The following VPS8 variants were observed in gnomAD, a reference collection of about 807,000 sequenced individuals.
VPS8 encodes the protein vacuolar protein sorting-associated protein 8 homolog.
In VPS8, 129 loss-of-function variants were observed where a neutral mutation model predicts 216.4. The ratio of observed to expected loss-of-function variants is 0.60; its 90% confidence interval spans 0.52 to 0.69. The LOEUF (loss-of-function observed/expected upper bound fraction) is 0.69. VPS8 is among the 30% of genes least tolerant of loss of function. VPS8 has a pLI of 0.00. For missense variants in VPS8, 1,531 were observed against 1,683.5 expected (o/e 0.91, Z 1.59); for synonymous variants, 571 against 565.4 (o/e 1.01, Z -0.14).
intron 34 of VPS8, among the ~76,000 whole-genome samples, chr3:184,934,503 A>G (rs924838255): frequency 1.3e-5 from 2 of 152,148 alleles, no homozygotes; most frequent in African/African-American, 2.4e-5. Context: ...TCACAACTTC[A>G]TATTTTTAAT....
chr3:184,814,714 A>C (rs1210922711), intron 1 of VPS8, among the ~76,000 whole-genome samples: 1 of 152,198 alleles, frequency 6.6e-6, no homozygotes, highest in Non-Finnish European at 1.5e-5. Context: ...GTGAGTAGTG[A>C]GTGAGTGTGA....
intron 13 of VPS8, 75 bp downstream of exon 13, chr3:184,854,248 G>C (rs1724832520): frequency 1.0e-5 from 15 of 1,506,472 alleles, no homozygotes; most frequent in Non-Finnish European, 1.4e-5. Context: ...CTTGCAAGGG[G>C]TGAATTCTAT....
rs59011109 is a variant in VPS8 at position 184,936,515 on chromosome 3, CTGTGTG to C, written c.2988+221_2988+226del. ...TTTCTTTAATGGCACCAACCTAATA[CTGTGTG>C]TGTGTGTGTGTGTGTGTGTGTGTGT... On this transcript the variant is annotated intron_variant, in intron 35 of 47. Coordinates refer to ENST00000625842, the MANE Select transcript of VPS8 (RefSeq NM_001009921.3). 1.0e-2 allele frequency among the ~76,000 whole-genome samples: 1,193 copies of C among 119,428 alleles called. 17 individuals carry two copies. Among genetic ancestry groups the C allele is most frequent in the African/African-American group, 0.035 (1,093 of 31,230 alleles). 78.3% of individuals were successfully genotyped at this position (119,428 alleles called of 152,430 possible).
intron 5 of VPS8, chr3:184,836,210 A>G (rs183792876): frequency 3.5e-5 from 16 of 454,600 alleles, no homozygotes; most frequent in African/African-American, 3.0e-4. Context: ...TGCTCAAGCA[A>G]TAGAGGAAAC....
At chr3:184,937,530 C>T (rs1297307816) in intron 35 of VPS8, among the ~76,000 whole-genome samples, 1 of 152,116 alleles carries the variant, frequency 6.6e-6, no homozygotes, top group South Asian at 2.1e-4. Context: ...CAGAGAAGCA[C>T]TTGCATAATT....
intron 31 of VPS8, among the ~76,000 whole-genome samples, 196 bp downstream of exon 31, chr3:184,926,846 A>G (rs960139774): frequency 6.6e-6 from 1 of 152,210 alleles, no homozygotes; most frequent in African/African-American, 2.4e-5. Flanking sequence ...CTTATATCAA[A>G]CTAAATTCCT....
chr3:184,838,524 CCT>C (rs1360146693), intron 5 of VPS8, among the ~76,000 whole-genome samples, 188 bp from the exon 6 acceptor site: 2 of 152,116 alleles, frequency 1.3e-5, no homozygotes, highest in Admixed American at 6.5e-5. Flanking sequence ...AAAACAATCC[CCT>C]TTCATGCCCT....
chr3:184,943,122 T>C (rs1743045509), intron 36 of VPS8, among the ~76,000 whole-genome samples: 1 of 152,226 alleles, frequency 6.6e-6, no homozygotes, highest in South Asian at 2.1e-4. Flanking sequence ...CACTCAGATA[T>C]AGAGTGTTCT....
intron 46 of VPS8, among the ~76,000 whole-genome samples, chr3:185,038,351 C>T (rs139484748): frequency 6.6e-6 from 1 of 152,300 alleles, no homozygotes; most frequent in Non-Finnish European, 1.5e-5. Flanking sequence ...CCACTAACGC[C>T]TTAGGACATA....
At chr3:184,933,266 T>C (rs930711166) in intron 34 of VPS8, among the ~76,000 whole-genome samples, 6 of 152,206 alleles carry the variant, frequency 3.9e-5, no homozygotes, top group South Asian at 2.1e-4. Context: ...GGATGTGTAA[T>C]GATACCTAAT....
At chr3:184,963,234 A>G (rs570775319) in intron 37 of VPS8, among the ~76,000 whole-genome samples, 115 of 152,198 alleles carry the variant, frequency 7.6e-4, no homozygotes, top group African/African-American at 2.7e-3. Context: ...ACTCTCTGGA[A>G]TTTTGATTTA....
chr3:185,047,365 AAAAC>A (rs76017726), intron 46 of VPS8, among the ~76,000 whole-genome samples: 30,751 of 151,922 alleles, frequency 0.2, 3,942 homozygotes, highest in African/African-American at 0.37. Context: ...CATGTGAGCA[AAAAC>A]AAACAAACAA....
At chr3:184,981,314 G>A (rs80256279) in intron 40 of VPS8, among the ~76,000 whole-genome samples, 6,348 of 152,202 alleles carry the variant, frequency 0.042, 232 homozygotes, top group East Asian at 0.1. Flanking sequence ...CAGCAACAGC[G>A]GCATGACAGG....
At chr3:185,044,909 A>G (rs1466708914) in intron 46 of VPS8, among the ~76,000 whole-genome samples, 2 of 152,222 alleles carry the variant, frequency 1.3e-5, no homozygotes, top group Admixed American at 6.5e-5. Context: ...ATGGGAATTT[A>G]GAAAAGGTAT....
Position 184,924,857 on chromosome 3 carries a change from T to C in VPS8, c.2455-5T>C. On this transcript the variant is annotated splice_region_variant and splice_polypyrimidine_tract_variant and intron_variant, in intron 29 of 47. Transcript: ENST00000625842. ...ATTGAATAAATGGTCTCCTTTGCTC[T>C]TCAGGTTATGGTGGAGAATTCAGAC... is the stretch of plus-strand genomic sequence containing the variant. 6.2e-7 allele frequency: 1 copy of C among 1,611,776 alleles called. No individual in the cohort carries two copies. The highest frequency in any genetic ancestry group is 8.5e-7 in the Non-Finnish European group (1 of 1,179,228).
intron 15 of VPS8, among the ~76,000 whole-genome samples, chr3:184,861,343 A>G (rs1255300482): frequency 6.6e-6 from 1 of 152,250 alleles, no homozygotes; most frequent in Non-Finnish European, 1.5e-5. Context: ...AATAAAAAGA[A>G]TGAAAAAGTG....
At chr3:184,887,988 CTTTTTT>C (rs761993920) in intron 22 of VPS8, among the ~76,000 whole-genome samples, 2 of 140,004 alleles carry the variant, frequency 1.4e-5, no homozygotes, top group Non-Finnish European at 3.1e-5. Context: ...GAGAACATTA[CTTTTTT>C]TTTTTTTTTT....
At chr3:184,821,209 A>G (rs1717507739) in intron 1 of VPS8, among the ~76,000 whole-genome samples, 1 of 152,216 alleles carries the variant, frequency 6.6e-6, no homozygotes, top group South Asian at 2.1e-4. Context: ...TCTCAATTTT[A>G]AGTGCTAAAA....
chr3:184,983,200 G>A (rs1238087071), intron 42 of VPS8, 106 bp downstream of exon 42: 6 of 1,018,164 alleles, frequency 5.9e-6, no homozygotes, highest in South Asian at 2.6e-5. Flanking sequence ...CAAGCATAAT[G>A]CAGCTAATTT....
Sources: gnomAD v4.1 joint callset for allele counts (sites outside exome capture counted in the v4.1 genomes callset) on GRCh38, gnomAD v4.1.1 for gene constraint, MANE v1.5 for transcripts, NCBI Gene and HGNC (gene_info 2026-07-23, HGNC 2026-07-21) for gene names.